Variants in SHANK2 observed in about 807,000 individuals in gnomAD.
The protein encoded by SHANK2 is SH3 and multiple ankyrin repeat domains 2, also known as SH3 and multiple ankyrin repeat domains protein 2.
A neutral mutation model predicts 133.7 loss-of-function variants in SHANK2; 43 were observed. That is an observed-to-expected ratio of 0.32 (90% CI 0.25 to 0.41). The LOEUF (loss-of-function observed/expected upper bound fraction) is 0.41. Ranked by LOEUF, SHANK2 falls within the 10% of genes least tolerant of loss-of-function variation. SHANK2 has a pLI of 1.00. For synonymous variants in SHANK2, 1,017 were observed against 952.8 expected (o/e 1.07, Z -1.24); for missense variants, 1,994 against 2,235.8 (o/e 0.89, Z 2.18).
chr11:71,115,225 T>C (rs1555100110), intron 4 of SHANK2, among the ~76,000 whole-genome samples: 2 of 152,126 alleles, frequency 1.3e-5, no homozygotes, highest in Non-Finnish European at 2.9e-5. Context: ...TCCCAGCACT[T>C]TGGGAAGCCG....
chr11:70,645,101 C>A (rs1555007775), intron 17 of SHANK2, among the ~76,000 whole-genome samples: 2 of 152,088 alleles, frequency 1.3e-5, no homozygotes, highest in Non-Finnish European at 2.9e-5. Flanking sequence ...TCCCAGCTAT[C>A]TTAGGAGGCT....
chr11:70,581,567 TG>T (rs1232938330), intron 17 of SHANK2, among the ~76,000 whole-genome samples: 1 of 152,210 alleles, frequency 6.6e-6, no homozygotes, highest in African/African-American at 2.4e-5. Flanking sequence ...GGCACGTGCC[TG>T]TAATCCCAGC....
chr11:71,228,439 C>G (rs1954680135), intron 1 of SHANK2, among the ~76,000 whole-genome samples: 1 of 152,086 alleles, frequency 6.6e-6, no homozygotes, highest in Non-Finnish European at 1.5e-5. Flanking sequence ...ACCTTGATAC[C>G]AAAGCCAGAG....
In SHANK2 at chr11:70,485,913, T is replaced by G. The variant is rs782218185; in HGVS notation, c.4380A>C (p.Ala1460=). 1.2e-6 allele frequency: 2 copies of G among 1,613,992 alleles called. No individual in the cohort carries two copies. Among genetic ancestry groups the G allele is most frequent in the Admixed American group, 3.3e-5 (2 of 60,000 alleles). ...AAAGACTGGCTGGCTTCTTGCTGTCTGCAGAGTTGGTTGGTTGGCTGGAGT... is the reference window on the plus strand; with the variant it reads ...AAAGACTGGCTGGCTTCTTGCTGTCGGCAGAGTTGGTTGGTTGGCTGGAGT... ...SLNSSQPTNS[A]DSKKPASLSN... The change falls in exon 25 of 26, where the codon GCA becomes GCC. Residue 1460 remains alanine (A), a synonymous_variant. Transcript: ENST00000601538. This position sits in a 1 kb window ranked among gnomAD's most constrained non-coding sequence, Gnocchi z 5.8.
intron 11 of SHANK2, among the ~76,000 whole-genome samples, chr11:70,867,361 C>T (rs1555069268): frequency 2.0e-5 from 3 of 152,156 alleles, no homozygotes; most frequent in South Asian, 2.1e-4. Flanking sequence ...GCAGCAGGGC[C>T]GAGAGCAGGT....
intron 8 of SHANK2, among the ~76,000 whole-genome samples, chr11:71,088,628 T>G (rs1951451095): frequency 6.6e-6 from 1 of 152,216 alleles, no homozygotes; most frequent in Admixed American, 6.5e-5. Flanking sequence ...CAGGGTTCCA[T>G]GACTCCCGCC....
rs749491901 is a variant in SHANK2, at chr11:71,175,421, A to T, written c.-12-28083T>A. Among the ~76,000 whole-genome samples the T allele has an allele frequency of 1.3e-5, 2 of 152,060 alleles. No homozygotes were observed. The highest frequency in any genetic ancestry group is 2.9e-5 in the Non-Finnish European group (2 of 68,014). ...AGCAGGAAAGTGAGTCTGTAAAGAG[A>T]GCAGGAGGAAGGAAAGAAAAAGAGG... On this transcript the variant is annotated intron_variant, in intron 2 of 25. Transcript: ENST00000601538. The surrounding 1 kb of genome is among the most constrained non-coding windows in gnomAD (Gnocchi z 4.2).
At chr11:71,110,338 T>TGAGGCAGGAGAATGGCATGAACCTGG in intron 5 of SHANK2, among the ~76,000 whole-genome samples, 1 of 152,256 alleles carries the variant, frequency 6.6e-6, no homozygotes, top group South Asian at 2.1e-4. Flanking sequence ...CTCGGGAGGT[T>TGAGGCAGGAGAATGGCATGAACCTGG]GAGGCAGGAG....
chr11:70,649,513 C>T (rs1555009518), intron 17 of SHANK2, among the ~76,000 whole-genome samples: 1 of 152,168 alleles, frequency 6.6e-6, no homozygotes, highest in Non-Finnish European at 1.5e-5. Context: ...GGCCTTCCTC[C>T]AGTTCATTTG....
chr11:71,142,652 A>G (rs1402557883), intron 3 of SHANK2, among the ~76,000 whole-genome samples: 1 of 152,234 alleles, frequency 6.6e-6, no homozygotes, highest in Non-Finnish European at 1.5e-5. Flanking sequence ...TCCAACCGAT[A>G]ACACAGAAAA....
chr11:70,843,309 GCTATGGGGTGGGCTGGGCTC>G, intron 11 of SHANK2, among the ~76,000 whole-genome samples: 2 of 140,334 alleles, frequency 1.4e-5, no homozygotes, highest in African/African-American at 2.7e-5. Context: ...GGGCTGGGCT[GCTATGGGGTGGGCTGGGCTC>G]CTATGGGGTG....
At chr11:70,703,997 G>A (rs560052313) in intron 14 of SHANK2, among the ~76,000 whole-genome samples, 3 of 152,354 alleles carry the variant, frequency 2.0e-5, no homozygotes, top group Admixed American at 2.0e-4. Context: ...GCTCAGGGGA[G>A]GGGCCTGGGA....
At chr11:71,187,889 A>C (rs1377317813) in intron 2 of SHANK2, among the ~76,000 whole-genome samples, 2 of 152,222 alleles carry the variant, frequency 1.3e-5, no homozygotes, top group Non-Finnish European at 2.9e-5. Flanking sequence ...CTTCCCTCCC[A>C]CAACGCAACG....
chr11:70,556,599 T>C (rs1335584688), intron 17 of SHANK2, among the ~76,000 whole-genome samples: 1 of 150,684 alleles, frequency 6.6e-6, no homozygotes, highest in Non-Finnish European at 1.5e-5. Flanking sequence ...TCTTTTTTTT[T>C]TTTTTTTCTT....
intron 14 of SHANK2, among the ~76,000 whole-genome samples, chr11:70,783,396 C>T (rs987915494): frequency 7.9e-5 from 12 of 152,114 alleles, no homozygotes; most frequent in African/African-American, 1.7e-4. Flanking sequence ...CGACTGCCCA[C>T]GGCGGGACAG....
intron 14 of SHANK2, among the ~76,000 whole-genome samples, chr11:70,752,705 C>CAAAAAAAAAAAA (rs530096112): frequency 4.8e-5 from 5 of 103,868 alleles, no homozygotes; most frequent in Non-Finnish European, 5.7e-5. Context: ...GACTCCGTCT[C>CAAAAAAAAAAAA]AAAAAAAAAA....
intron 17 of SHANK2, among the ~76,000 whole-genome samples, chr11:70,598,394 G>C (rs1554990002): frequency 6.6e-6 from 1 of 152,294 alleles, no homozygotes; most frequent in Non-Finnish European, 1.5e-5. Context: ...ATAAAAACTC[G>C]AAGAGTTCTG....
chr11:70,718,446 TG>T (rs1945998990), intron 14 of SHANK2, among the ~76,000 whole-genome samples: 2 of 150,170 alleles, frequency 1.3e-5, no homozygotes, highest in South Asian at 4.2e-4. Context: ...TAGCGGGGCT[TG>T]GGGCATCAGG....
intron 21 of SHANK2, chr11:70,495,740 CAG>C: frequency 5.5e-6 from 1 of 182,394 alleles, no homozygotes; most frequent in South Asian, 7.4e-5. Flanking sequence ...GAACATGACC[CAG>C]AAGGGATGCC....
Sources: allele counts gnomAD v4.1 joint callset (sites outside exome capture counted in the v4.1 genomes callset), GRCh38; gene constraint gnomAD v4.1.1; non-coding constraint Gnocchi (gnomAD v3.1); transcripts MANE v1.5; gene names NCBI Gene and HGNC (gene_info 2026-07-23, HGNC 2026-07-21).